CD163L1: variants seen among roughly 807,000 people sequenced by gnomAD.
CD163L1 encodes CD163 molecule like 1.
Under a neutral mutation model 165.4 loss-of-function variants are expected in CD163L1, and 124 were observed. That is an observed-to-expected ratio of 0.75 (90% CI 0.65 to 0.87). CD163L1 has a LOEUF of 0.87. Among genes scored for constraint, CD163L1 ranks in the 40% least tolerant of loss-of-function variants. The pLI is 0.00. For synonymous variants in CD163L1, 585 were observed against 662.2 expected (o/e 0.88, Z 1.79); for missense variants, 1,525 against 1,799.9 (o/e 0.85, Z 2.76).
chr12:7,436,972 T>C (rs1376321822), intron 2 of CD163L1, among the ~76,000 whole-genome samples: 1 of 150,730 alleles, frequency 6.6e-6, no homozygotes, highest in South Asian at 2.1e-4. Flanking sequence ...TGTGATAAAA[T>C]AAAAATGTTA....
At chr12:7,409,671 G>A (rs1039325655) in intron 4 of CD163L1, among the ~76,000 whole-genome samples, 1 of 152,186 alleles carries the variant, frequency 6.6e-6, no homozygotes, top group Non-Finnish European at 1.5e-5. Context: ...ACAGCCCGGG[G>A]GTTGGAGACC....
In CD163L1 at chr12:7,421,352, T is replaced by C. The variant is rs181157420; in HGVS notation, c.766+11064A>G. Reference sequence around the variant, plus strand: ...TGTATATATATCTTCCAAATGTATATATATGTGTATATATGTATATATACA... The same window carrying C: ...TGTATATATATCTTCCAAATGTATACATATGTGTATATATGTATATATACA... On this transcript the variant is annotated intron_variant, in intron 4 of 19. Transcript: ENST00000313599. Among the ~76,000 whole-genome samples the C allele has an allele frequency of 1.9e-3, 215 of 114,108 alleles. 17 individuals are homozygous for C. Among genetic ancestry groups the C allele is most frequent in the African/African-American group, 7.5e-3 (210 of 28,162 alleles). 74.9% of individuals were successfully genotyped at this position (114,108 alleles called of 152,430 possible).
At chr12:7,351,526 T>A (rs2136364798), downstream of CD163L1, among the ~76,000 whole-genome samples, 1 of 152,252 alleles carries the variant, frequency 6.6e-6, no homozygotes, top group East Asian at 1.9e-4. Flanking sequence ...AGATTAGGGA[T>A]TCCCACCCTA....
At chr12:7,396,536 G>C (rs1947780366) in intron 7 of CD163L1, 121 bp from the exon 8 acceptor site, 3 of 961,322 alleles carry the variant, frequency 3.1e-6, no homozygotes, top group Non-Finnish European at 4.5e-6. Flanking sequence ...GTGCTGTGAA[G>C]GTATTTTTTC....
At chr12:7,370,510 T>C (rs1947123004) in intron 14 of CD163L1, among the ~76,000 whole-genome samples, 1 of 152,202 alleles carries the variant, frequency 6.6e-6, no homozygotes, top group South Asian at 2.1e-4. Context: ...CGTAATAGTA[T>C]AGGAAAAGTT....
rs951292489 is a variant in CD163L1 at position 7,374,602 on chromosome 12, G to A, written c.3249C>T (p.Phe1083=). The change falls in exon 13 of 20, where the codon TTC becomes TTT. Residue 1083 remains phenylalanine (F), a synonymous_variant. Transcript: ENST00000313599. The surrounding 1 kb of genome is among the most constrained non-coding windows in gnomAD (Gnocchi z 5.4). ...CAAAGTGAGCAGAGACCGTGGCATTGAAGGCCACTCCACAGCCCAGCTTTT... is the reference window on the plus strand; with the variant it reads ...CAAAGTGAGCAGAGACCGTGGCATTAAAGGCCACTCCACAGCCCAGCTTTT... ...VCQKLGCGVA[F]NATVSAHFGE... 1.3e-5 allele frequency: 21 copies of A among 1,614,200 alleles called. No individual in the cohort carries two copies. The highest frequency in any genetic ancestry group is 1.4e-5 in the Non-Finnish European group (17 of 1,180,036).
intron 11 of CD163L1, 115 bp downstream of exon 11, chr12:7,375,165 CT>C: frequency 9.6e-7 from 1 of 1,036,910 alleles, no homozygotes. Flanking sequence ...ACTGTCATGC[CT>C]ATCCCCCCTC....
chr12:7,439,085 G>A (rs139638620), intron 2 of CD163L1: 87,096 of 1,579,468 alleles, frequency 0.055, 2,573 homozygotes, highest in Middle Eastern at 0.061. Flanking sequence ...CTCCAGCCCT[G>A]TGTCCTGCCC....
the CD163L1 span, chr12:7,326,985 G>A: frequency 6.2e-7 from 1 of 1,603,686 alleles, no homozygotes; most frequent in South Asian, 1.1e-5. Flanking sequence ...GGTGGTGAAA[G>A]CTTTTGTTGT....
chr12:7,421,529 A>G (rs1242970624), intron 4 of CD163L1, among the ~76,000 whole-genome samples: 1 of 131,282 alleles, frequency 7.6e-6, no homozygotes, highest in Non-Finnish European at 1.5e-5. Context: ...ATGTACATAT[A>G]TACATATACG....
the CD163L1 span, chr12:7,324,564 CTGT>C: frequency 6.2e-7 from 1 of 1,613,970 alleles, no homozygotes; most frequent in Non-Finnish European, 8.5e-7. Context: ...GTTGAATCGG[CTGT>C]TGTCAGTAGT....
chr12:7,406,961 A>G (rs1407229875), intron 4 of CD163L1, 109 bp from the exon 5 acceptor site: 5 of 974,684 alleles, frequency 5.1e-6, no homozygotes, highest in East Asian at 5.0e-5. Context: ...TTGAGATTCA[A>G]TGAATGTCTA....
the CD163L1 span, among the ~76,000 whole-genome samples, chr12:7,322,145 TCTC>T: frequency 6.6e-6 from 1 of 152,150 alleles, no homozygotes; most frequent in Non-Finnish European, 1.5e-5. Flanking sequence ...AATAGCATCT[TCTC>T]CTGCCTTTTT....
chr12:7,351,129 T>C (rs933642065), downstream of CD163L1, among the ~76,000 whole-genome samples: 3 of 152,142 alleles, frequency 2.0e-5, no homozygotes, highest in African/African-American at 7.2e-5. Context: ...GAATTTAGAA[T>C]ATTATAGATA....
intron 4 of CD163L1, among the ~76,000 whole-genome samples, chr12:7,407,460 G>A (rs1948047989): frequency 6.6e-6 from 1 of 151,846 alleles, no homozygotes; most frequent in Non-Finnish European, 1.5e-5. Context: ...CATAAATTAT[G>A]GGCTTGTTAT....
intron 4 of CD163L1, among the ~76,000 whole-genome samples, chr12:7,410,970 A>T (rs1948128921): frequency 6.6e-6 from 1 of 151,490 alleles, no homozygotes; most frequent in African/African-American, 2.4e-5. Flanking sequence ...CACAAAGAAA[A>T]TGACATCTAA....
the CD163L1 span, chr12:7,322,357 G>A: frequency 1.1e-5 from 17 of 1,605,960 alleles, no homozygotes; most frequent in Non-Finnish European, 1.2e-5. Flanking sequence ...TGTCCTAATT[G>A]TCTTGCAGTG....
In CD163L1 at chr12:7,396,268, C is replaced by G. The variant is rs1252978949; in HGVS notation, c.1877G>C (p.Cys626Ser). The part of the protein sequence containing the change: ...AAAVVCSQLD[C>S]PSSIIGMGLG... ...ACCCATGCCAATGATAGAAGATGGG[C>G]AGTCCAGCTGGCTACACACCACAGC... Residue 626 changes from cysteine to serine, a missense_variant, in exon 8 of 20, where the codon TGC becomes TCC. Cys to Ser is a moderately radical substitution (Grantham distance 112). Transcript: ENST00000313599. 1 of 1,614,158 alleles carries G rather than the reference C, an allele frequency of 6.2e-7. No individual in the cohort carries two copies. Among genetic ancestry groups the G allele is most frequent in the Non-Finnish European group, 8.5e-7 (1 of 1,180,026 alleles).
At position 7,424,080 on chromosome 12, in the gene CD163L1, A is replaced by G. The variant is rs907590952; in HGVS notation, c.766+8336T>C. Among the ~76,000 whole-genome samples the G allele has an allele frequency of 5.3e-5, 8 of 152,308 alleles. No homozygotes were observed. The East Asian group carries it at 1.3e-3, about 26-fold the overall frequency. On this transcript the variant is annotated intron_variant, in intron 4 of 19. Coordinates refer to ENST00000313599, the MANE Select transcript of CD163L1 (RefSeq NM_174941.6). ...ATGAACATCAATGCAAAAATCCTCA[A>G]TAAAATACTGGCAAACTGAATCCAG...
Sources: allele counts gnomAD v4.1 joint callset (sites outside exome capture counted in the v4.1 genomes callset), GRCh38; gene constraint gnomAD v4.1.1; non-coding constraint Gnocchi (gnomAD v3.1); transcripts MANE v1.5; gene names NCBI Gene and HGNC (gene_info 2026-07-23, HGNC 2026-07-21).